Variants in IFT22 observed in about 807,000 individuals in gnomAD.
IFT22 encodes intraflagellar transport protein 22 homolog.
IFT22 carries 13 observed loss-of-function variants against 21.0 expected under a neutral mutation model. The ratio of observed to expected loss-of-function variants is 0.62; its 90% CI spans 0.40 to 0.98. The LOEUF (loss-of-function observed/expected upper bound fraction) is 0.98. Among genes scored for constraint, IFT22 ranks in the 50% least tolerant of loss-of-function variants. The pLI is 0.00. For missense variants in IFT22, 227 were observed against 228.9 expected (o/e 0.99, Z 0.06); for synonymous variants, 67 against 82.4 (o/e 0.81, Z 1.01).
At position 101,316,420 on chromosome 7, in the gene IFT22, G is replaced by A. The variant is rs374417858; in HGVS notation, c.329C>T (p.Pro110Leu). Residue 110 changes from proline to leucine, a missense_variant, in exon 4 of 5, where the codon CCG becomes CTG. Transcript: ENST00000315322. ...EMWYSCFVQQPSLQDTQCMLI... is the reference protein window; with the variant it reads ...EMWYSCFVQQLSLQDTQCMLI... ...CATACACTGTGTGTCCTGTAAGGAC[G>A]GCTGTTGGACAAAGCAGGAATACCA... The A allele has an allele frequency of 2.0e-5, 33 of 1,613,990 alleles. No homozygotes were observed. The African/African-American group carries it at 3.2e-4, about 16-fold the overall frequency.
At position 101,310,969 on chromosome 7, in the gene IFT22, G is replaced by A. The variant is rs2116905693; in HGVS notation, c.*4165C>T. 2 of 288,486 alleles carry A rather than the reference G, an allele frequency of 6.9e-6. No homozygotes were observed. Among genetic ancestry groups the A allele is most frequent in the South Asian group, 3.2e-5 (1 of 31,058 alleles). The allele number at this position is 288,486 out of a possible 1,614,324, so 17.9% of individuals were successfully genotyped here. On this transcript the variant is annotated 3_prime_UTR_variant, in exon 5 of 5. Transcript: ENST00000315322. The stretch of plus-strand genomic sequence containing the variant: ...TGGGTTGTACTCTGGCCATTCAGGT[G>A]AACAAAATCTGCTGGGTTAATTTTT...
chr7:101,314,865 G>A lies in IFT22; in HGVS notation c.*269C>T. On this transcript the variant is annotated 3_prime_UTR_variant, in exon 5 of 5. Transcript: ENST00000315322. Reference sequence around the variant, plus strand: ...AAACTGTTTAACTGGACATATGTGAGGTGGTAAATCCCTCCATTTTACAGG... The same window carrying A: ...AAACTGTTTAACTGGACATATGTGAAGTGGTAAATCCCTCCATTTTACAGG... 2.4e-6 allele frequency: 1 copy of A among 417,458 alleles called. No homozygotes were observed. Among genetic ancestry groups the A allele is most frequent in the East Asian group, 4.4e-5 (1 of 22,704 alleles). 25.9% of individuals were successfully genotyped at this position (417,458 alleles called of 1,614,324 possible).
rs1000320641 is a variant in IFT22 at position 101,314,479 on chromosome 7, A to G, written c.*655T>C. 6 of 152,190 alleles carry G rather than the reference A, an allele frequency of 3.9e-5. No homozygotes were observed. The highest frequency in any genetic ancestry group is 1.4e-4 in the African/African-American group (6 of 41,454). 9.4% of individuals were successfully genotyped at this position (152,190 alleles called of 1,614,324 possible). A position where few individuals can be genotyped will look rare whatever the true frequency, so the allele number is the denominator to read the frequency against. On this transcript the variant is annotated 3_prime_UTR_variant, in exon 5 of 5. Transcript: ENST00000315322. ...CTAGAACTCTTATAGAGAATGAAGA[A>G]TGCGTTTTGATTTTCTTTTTTGCAT...
intron 1 of IFT22, chr7:101,321,432 G>C: frequency 1.8e-6 from 1 of 545,374 alleles, no homozygotes; most frequent in South Asian, 2.3e-5. Flanking sequence ...AGTACCTTGG[G>C]CCTTCGGGGC....
chr7:101,321,804 G>T lies in IFT22; in HGVS notation c.-95C>A. Reference sequence around the variant, plus strand: ...CCGCTTTCGTTTCCATGGCGACGGAGAGAGGCCCGCAGGGCCGACGGGACT... The same window carrying T: ...CCGCTTTCGTTTCCATGGCGACGGATAGAGGCCCGCAGGGCCGACGGGACT... On this transcript the variant is annotated 5_prime_UTR_variant, in exon 1 of 5. Coordinates refer to ENST00000315322, the MANE Select transcript of IFT22 (RefSeq NM_022777.4). 1.7e-6 allele frequency: 2 copies of T among 1,200,394 alleles called. No individual in the cohort carries two copies. The highest frequency in any genetic ancestry group is 2.1e-6 in the Non-Finnish European group (2 of 942,626). The allele number at this position is 1,200,394 out of a possible 1,614,324, so 74.4% of individuals were successfully genotyped here. A position where few individuals can be genotyped will look rare whatever the true frequency, so the allele number is the denominator to read the frequency against.
chr7:101,310,987 TA>T lies in IFT22; in HGVS notation c.*4146del. On this transcript the variant is annotated 3_prime_UTR_variant, in exon 5 of 5. Transcript: ENST00000315322. ...TTCAGGTGAACAAAATCTGCTGGGT[TA>T]ATTTTTTTTTTTTTTTTTTTTTTGA... 5 of 288,666 alleles carry T rather than the reference TA, an allele frequency of 1.7e-5. No individual in the cohort carries two copies. Among genetic ancestry groups the T allele is most frequent in the Admixed American group, 4.5e-5 (1 of 22,262 alleles). The allele number at this position is 288,666 out of a possible 1,614,324, so 17.9% of individuals were successfully genotyped here. A position where few individuals can be genotyped will look rare whatever the true frequency, so the allele number is the denominator to read the frequency against.
Position 101,310,964 on chromosome 7 carries a change from C to A in IFT22, c.*4170G>T. On this transcript the variant is annotated 3_prime_UTR_variant, in exon 5 of 5. Coordinates refer to ENST00000315322, the MANE Select transcript of IFT22 (RefSeq NM_022777.4). ...TTTAATGGGTTGTACTCTGGCCATTCAGGTGAACAAAATCTGCTGGGTTAA... is the reference window on the plus strand; with the variant it reads ...TTTAATGGGTTGTACTCTGGCCATTAAGGTGAACAAAATCTGCTGGGTTAA... 1 of 300,730 alleles carries A rather than the reference C, an allele frequency of 3.3e-6. No individual in the cohort carries two copies. 18.6% of individuals were successfully genotyped at this position (300,730 alleles called of 1,614,324 possible).
At position 101,315,281 on chromosome 7, in the gene IFT22, C is replaced by G. The variant is rs758284945; in HGVS notation, c.411G>C (p.Ser137=). Residue 137 remains serine, a splice_region_variant and synonymous_variant, in exon 5 of 5, where the codon TCG becomes TCC. Coordinates refer to ENST00000315322, the MANE Select transcript of IFT22 (RefSeq NM_022777.4). ...CCAGCTTCAGCTTGTTCAAGGGTGG[C>G]GCTTGAAAATGAAGATAAGGTTAAT... ...SGDDKGSLSL[S]PPLNKLKLVH... is the part of the protein sequence containing the mutation. 6.2e-7 allele frequency: 1 copy of G among 1,613,980 alleles called. No homozygotes were observed. The highest frequency in any genetic ancestry group is 2.2e-5 in the East Asian group (1 of 44,866).
chr7:101,318,310 A>C lies in IFT22; in HGVS notation c.117-97T>G. 3.7e-6 allele frequency: 3 copies of C among 800,694 alleles called. No homozygotes were observed. The East Asian group carries it at 8.7e-5, about 23-fold the overall frequency. The allele number at this position is 800,694 out of a possible 1,614,324, so 49.6% of individuals were successfully genotyped here. A position where few individuals can be genotyped will look rare whatever the true frequency, so the allele number is the denominator to read the frequency against. On this transcript the variant is annotated intron_variant, in intron 2 of 4. Transcript: ENST00000315322. Reference sequence around the variant, plus strand: ...CAAGGCGGGCAGATCACTTGAGGTCAGGAGTTCGAGACCAGCCTGGCCAAC... The same window carrying C: ...CAAGGCGGGCAGATCACTTGAGGTCCGGAGTTCGAGACCAGCCTGGCCAAC...
intron 3 of IFT22, 33 bp downstream of exon 3, chr7:101,318,091 T>A: frequency 6.3e-7 from 1 of 1,586,336 alleles, no homozygotes; most frequent in Non-Finnish European, 8.7e-7. Context: ...TTTAAACCAT[T>A]TGATGAAGTG....
Position 101,314,836 on chromosome 7 carries a change from C to G in IFT22, c.*298G>C. ...TCATTGGGCTGCGACGGTTACAAGTCCACAAACTGTTTAACTGGACATATG... is the reference window on the plus strand; with the variant it reads ...TCATTGGGCTGCGACGGTTACAAGTGCACAAACTGTTTAACTGGACATATG... On this transcript the variant is annotated 3_prime_UTR_variant, in exon 5 of 5. Coordinates refer to ENST00000315322, the MANE Select transcript of IFT22 (RefSeq NM_022777.4). 3.1e-6 allele frequency: 1 copy of G among 322,260 alleles called. No individual in the cohort carries two copies. Among genetic ancestry groups the G allele is most frequent in the Non-Finnish European group, 5.7e-6 (1 of 174,436 alleles). The allele number at this position is 322,260 out of a possible 1,614,324, so 20.0% of individuals were successfully genotyped here.
In IFT22 at chr7:101,315,281, C is replaced by A; in HGVS notation, c.411G>T (p.Ser137=). 1 of 1,613,978 alleles carries A rather than the reference C, an allele frequency of 6.2e-7. No individual in the cohort carries two copies. Among genetic ancestry groups the A allele is most frequent in the Non-Finnish European group, 8.5e-7 (1 of 1,180,018 alleles). Residue 137 remains serine (S), a splice_region_variant and synonymous_variant, in exon 5 of 5, where the codon TCG becomes TCT. Coordinates refer to ENST00000315322, the MANE Select transcript of IFT22 (RefSeq NM_022777.4). ...SGDDKGSLSL[S]PPLNKLKLVH... is the part of the protein sequence containing the mutation. Reference sequence around the variant, plus strand: ...CCAGCTTCAGCTTGTTCAAGGGTGGCGCTTGAAAATGAAGATAAGGTTAAT... The same window carrying A: ...CCAGCTTCAGCTTGTTCAAGGGTGGAGCTTGAAAATGAAGATAAGGTTAAT...
chr7:101,318,741 A>G (rs116214283), intron 2 of IFT22: 5,535 of 498,446 alleles, frequency 0.011, 243 homozygotes, highest in African/African-American at 0.093. Flanking sequence ...GCCTCAAACA[A>G]TCCTTCTGCT....
chr7:101,317,236 G>A (rs773258362), intron 3 of IFT22, among the ~76,000 whole-genome samples: 9 of 152,066 alleles, frequency 5.9e-5, no homozygotes, highest in African/African-American at 1.4e-4. Context: ...TTGGCTCACC[G>A]CAATGTCCAC....
rs1237992436 is a variant in IFT22, at chr7:101,316,400, A to G, written c.349T>C (p.Cys117Arg). The G allele has an allele frequency of 1.2e-6, 2 of 1,614,062 alleles. No individual in the cohort carries two copies. Among genetic ancestry groups the G allele is most frequent in the East Asian group, 2.2e-5 (1 of 44,890 alleles). ...VQQPSLQDTQ[C>R]MLIAHHKPGS... ...GGTTTGTGGTGTGCAATTAGCATAC[A>G]CTGTGTGTCCTGTAAGGACGGCTGT... Residue 117 changes from cysteine (C) to arginine (R), a missense_variant, in exon 4 of 5, where the codon TGT becomes CGT. Cys to Arg is a radical substitution (Grantham distance 180, BLOSUM62 -3). Transcript: ENST00000315322.
chr7:101,321,620 G>A, intron 1 of IFT22, 51 bp downstream of exon 1: 1 of 1,554,510 alleles, frequency 6.4e-7, no homozygotes, highest in Non-Finnish European at 8.7e-7. Context: ...CGCTCGCCCA[G>A]GCCCCGAGGC....
In IFT22 at chr7:101,312,437, CAAAA is replaced by C. The variant is rs1407812556; in HGVS notation, c.*2693_*2696del. ...AGAGTGACACCGTGTCTCAAAAAAA[CAAAA>C]AACAAAAAATTGTGTCTGTACTCCA... On this transcript the variant is annotated 3_prime_UTR_variant, in exon 5 of 5. Transcript: ENST00000315322. 6.7e-6 allele frequency among the ~76,000 whole-genome samples: 1 copy of C among 148,768 alleles called. No homozygotes were observed. Among genetic ancestry groups the C allele is most frequent in the African/African-American group, 2.5e-5 (1 of 40,186 alleles).
In IFT22 at chr7:101,321,807, A is replaced by C; in HGVS notation, c.-98T>G. The C allele has an allele frequency of 8.8e-7, 1 of 1,137,884 alleles. No individual in the cohort carries two copies. Among genetic ancestry groups the C allele is most frequent in the Non-Finnish European group, 1.1e-6 (1 of 892,244 alleles). The allele number at this position is 1,137,884 out of a possible 1,614,324, so 70.5% of individuals were successfully genotyped here. On this transcript the variant is annotated 5_prime_UTR_variant, in exon 1 of 5. Coordinates refer to ENST00000315322, the MANE Select transcript of IFT22 (RefSeq NM_022777.4). ...CTTTCGTTTCCATGGCGACGGAGAG[A>C]GGCCCGCAGGGCCGACGGGACTCGG...
chr7:101,320,252 C>T (rs1431438569), intron 1 of IFT22, among the ~76,000 whole-genome samples: 5 of 150,070 alleles, frequency 3.3e-5, no homozygotes, highest in African/African-American at 1.2e-4. Context: ...CCTCCGCATC[C>T]GGCTGGGTTT....
Sources: gnomAD v4.1 joint callset for allele counts (sites outside exome capture counted in the v4.1 genomes callset) on GRCh38, gnomAD v4.1.1 for gene constraint, MANE v1.5 for transcripts, NCBI Gene and HGNC (gene_info 2026-07-23, HGNC 2026-07-21) for gene names.